Variants in CARD10 observed in about 807,000 individuals in gnomAD.
CARD10 encodes caspase recruitment domain-containing protein 10.
A neutral mutation model predicts 114.6 loss-of-function variants in CARD10; 49 were observed. The observed-to-expected ratio is 0.43, with a 90% CI of 0.34 to 0.54. CARD10 has a LOEUF of 0.54. Ranked by LOEUF, CARD10 falls within the 20% of genes least tolerant of loss-of-function variation. CARD10 has a pLI of 0.03. For synonymous variants in CARD10, 602 were observed against 593.2 expected, an observed-to-expected ratio of 1.01 and a Z score of -0.21; for missense variants, 1,206 against 1,397.2, an observed-to-expected ratio of 0.86 and a Z score of 2.18.
rs144504964 is a variant in CARD10, at chr22:37,504,765, C to T, written c.1388G>A (p.Cys463Tyr). ...RAQGGTCLKA[C>Y]ASSHSLCSNL... The stretch of plus-strand genomic sequence containing the variant: ...GGAGCACAGGGAATGGGAGGAGGCA[C>T]AGGCCTGGAAGAGGGAGAGGAGAGG... Residue 463 changes from cysteine to tyrosine, a missense_variant, in exon 8 of 20, where the codon TGT becomes TAT. Physicochemically the swap from Cys to Tyr is radical, Grantham distance 194 (BLOSUM62 -2). Around this residue, in one of 2 missense-constraint regions of CARD10, gnomAD observed 1,068 missense variants for 1,179.1 expected, o/e 0.91. Coordinates refer to ENST00000251973, the MANE Select transcript of CARD10 (RefSeq NM_014550.4). 6.5e-6 allele frequency: 10 copies of T among 1,538,364 alleles called. No individual in the cohort carries two copies. The African/African-American group carries it at 1.1e-4, about 17-fold the overall frequency.
chr22:37,497,512 C>A (rs1485554695), intron 11 of CARD10, among the ~76,000 whole-genome samples: 2 of 152,150 alleles, frequency 1.3e-5, no homozygotes, highest in South Asian at 4.1e-4. Context: ...CTATACTGTT[C>A]CGCTCTGTAG....
chr22:37,496,026 G>A lies in CARD10; in HGVS notation c.2060-23C>T. The A allele has an allele frequency of 1.9e-6, 3 of 1,610,682 alleles. No individual in the cohort carries two copies. The highest frequency in any genetic ancestry group is 1.3e-5 in the African/African-American group (1 of 75,006). ...AGGCTGGGCATGGATGGGGCAGGGG[G>A]CAGCAAGGAGGACAAGAGGAGGATG... On this transcript the variant is annotated intron_variant, in intron 13 of 19. Coordinates refer to ENST00000251973, the MANE Select transcript of CARD10 (RefSeq NM_014550.4). The surrounding 1 kb of genome is among the most constrained non-coding windows in gnomAD (Gnocchi z 4.1).
chr22:37,504,716 C>G lies in CARD10; in HGVS notation c.1437G>C (p.Leu479=). 6.3e-7 allele frequency: 1 copy of G among 1,584,906 alleles called. No individual in the cohort carries two copies. Among genetic ancestry groups the G allele is most frequent in the South Asian group, 1.2e-5 (1 of 86,358 alleles). The change falls in exon 8 of 20, where the codon CTG becomes CTC. Residue 479 remains leucine (L), a synonymous_variant. Coordinates refer to ENST00000251973, the MANE Select transcript of CARD10 (RefSeq NM_014550.4). ...LCSNLSSTWS[L]SEFPSPLGGP... ...CTCCCAGAGGGGAGGGGAACTCGCTCAGGCTCCAAGTGCTGCTGAGGTTGG... is the reference window on the plus strand; with the variant it reads ...CTCCCAGAGGGGAGGGGAACTCGCTGAGGCTCCAAGTGCTGCTGAGGTTGG...
intron 1 of CARD10, among the ~76,000 whole-genome samples, 179 bp from the exon 2 acceptor site, chr22:37,518,287 G>T (rs1284947996): frequency 6.6e-6 from 1 of 152,088 alleles, no homozygotes; most frequent in Non-Finnish European, 1.5e-5. Flanking sequence ...CCACAGCCAG[G>T]GGAGCACATT....
Position 37,496,468 on chromosome 22 carries a change from G to T in CARD10, c.2040C>A (p.Pro680=). Reference sequence around the variant, plus strand: ...ACTTACCCTTCGAGTCCATCAGGGAGGGGAGTGTGGACCCCTGATTCCAGA... The same window carrying T: ...ACTTACCCTTCGAGTCCATCAGGGATGGGAGTGTGGACCCCTGATTCCAGA... The part of the protein sequence containing the change: ...TLLWNQGSTL[P]SLMDSKACQS... The change falls in exon 13 of 20, where the codon CCC becomes CCA. Residue 680 remains proline (P), a synonymous_variant. Coordinates refer to ENST00000251973, the MANE Select transcript of CARD10 (RefSeq NM_014550.4). The surrounding 1 kb of genome is among the most constrained non-coding windows in gnomAD (Gnocchi z 4.1). 1 of 1,612,722 alleles carries T rather than the reference G, an allele frequency of 6.2e-7. No homozygotes were observed. The highest frequency in any genetic ancestry group is 1.1e-5 in the South Asian group (1 of 91,024).
chr22:37,494,406 T>C (rs1473131421), intron 15 of CARD10: 1 of 577,220 alleles, frequency 1.7e-6, no homozygotes, highest in Non-Finnish European at 3.1e-6. Flanking sequence ...CAGCCATCCC[T>C]GTGGCCCCCG....
At chr22:37,494,234 C>A in intron 15 of CARD10, 46 bp from the exon 16 acceptor site, 2 of 1,352,772 alleles carry the variant, frequency 1.5e-6, no homozygotes, top group Non-Finnish European at 2.1e-6. Context: ...CTCAGCCCCG[C>A]CCCCTCAGGG....
Position 37,519,142 on chromosome 22 carries a change from G to C in CARD10, c.59C>G (p.Ser20Cys). 1 of 1,551,398 alleles carries C rather than the reference G, an allele frequency of 6.4e-7. No homozygotes were observed. The highest frequency in any genetic ancestry group is 8.7e-7 in the Non-Finnish European group (1 of 1,155,436). The change falls in exon 1 of 20, where the codon TCT becomes TGT. Residue 20 changes from serine to cysteine, a missense_variant. Physicochemically the swap from Ser to Cys is moderately radical, Grantham distance 112 (BLOSUM62 -1). Coordinates refer to ENST00000251973, the MANE Select transcript of CARD10 (RefSeq NM_014550.4). The surrounding 1 kb of genome is among the most constrained non-coding windows in gnomAD (Gnocchi z 4.1). ...AEEEAGAGSGSEAEEDALWER... is the reference protein window; with the variant it reads ...AEEEAGAGSGCEAEEDALWER... ...CCACAGCGCGTCCTCCTCCGCCTCA[G>C]ACCCCGAGCCGGCCCCGGCCTCCTC... is the stretch of plus-strand genomic sequence containing the variant.
rs1464912828 is a variant in CARD10, at chr22:37,496,698, C to T, written c.1948-138G>A. ...GCGCCCCCTCAGAAACTGCCATGCCCAGCCCAGTCAGACCCGTCCCCATCC... is the reference window on the plus strand; with the variant it reads ...GCGCCCCCTCAGAAACTGCCATGCCTAGCCCAGTCAGACCCGTCCCCATCC... On this transcript the variant is annotated intron_variant, in intron 12 of 19. Coordinates refer to ENST00000251973, the MANE Select transcript of CARD10 (RefSeq NM_014550.4). This position sits in a 1 kb window ranked among gnomAD's most constrained non-coding sequence, Gnocchi z 4.1. 9.8e-6 allele frequency: 7 copies of T among 712,736 alleles called. No homozygotes were observed. Among genetic ancestry groups the T allele is most frequent in the Non-Finnish European group, 1.7e-5 (7 of 415,198 alleles). 44.2% of individuals were successfully genotyped at this position (712,736 alleles called of 1,614,324 possible). A position where few individuals can be genotyped will look rare whatever the true frequency, so the allele number is the denominator to read the frequency against.
At chr22:37,491,560 A>G (rs1601806256) in intron 19 of CARD10, among the ~76,000 whole-genome samples, 167 bp from the exon 20 acceptor site, 1 of 5,334 alleles carries the variant, frequency 1.9e-4, no homozygotes. Context: ...AAGGGGAGGG[A>G]GAGACGGGGG....
Position 37,518,007 on chromosome 22 carries a change from C to A in CARD10, c.337G>T (p.Gly113Cys), listed in dbSNP as rs1416522612. Reference protein sequence around the residue: ...YYPEHFTLLTGQEPAQRCSMI... With the variant: ...YYPEHFTLLTCQEPAQRCSMI... Reference sequence around the variant, plus strand: ...GAGCAGCGCTGGGCGGGTTCCTGGCCCGTGAGCAGCGTGAAGTGTTCGGGG... The same window carrying A: ...GAGCAGCGCTGGGCGGGTTCCTGGCACGTGAGCAGCGTGAAGTGTTCGGGG... Residue 113 changes from glycine to cysteine, a missense_variant, in exon 2 of 20, where the codon GGC becomes TGC. This residue lies in a region of CARD10 where 138 missense variants were observed against 218.0 expected (regional missense o/e 0.63). Transcript: ENST00000251973. The A allele has an allele frequency of 6.2e-7, 1 of 1,613,914 alleles. No homozygotes were observed.
chr22:37,501,378 G>C lies in CARD10; in HGVS notation c.1787+1224C>G, dbSNP rs552862336. On this transcript the variant is annotated intron_variant, in intron 11 of 19. Transcript: ENST00000251973. This position sits in a 1 kb window ranked among gnomAD's most constrained non-coding sequence, Gnocchi z 5.4. ...AAACTGGAGGAAGGGAGGAAGGGCC[G>C]AGGCGAGCAGGAAGGGAGGCGCCTC... Among the ~76,000 whole-genome samples the C allele has an allele frequency of 6.6e-6, 1 of 152,184 alleles. No individual in the cohort carries two copies. The highest frequency in any genetic ancestry group is 2.4e-5 in the African/African-American group (1 of 41,444).
In CARD10 at chr22:37,501,584, CT is replaced by C. The variant is rs886893247; in HGVS notation, c.1787+1017del. ...TGACCCATCCCTCTGCACCCAACAC[CT>C]CCACATTCCAGCGCTGACAGTCCAT... On this transcript the variant is annotated intron_variant, in intron 11 of 19. Transcript: ENST00000251973. The surrounding 1 kb of genome is among the most constrained non-coding windows in gnomAD (Gnocchi z 5.4). Among the ~76,000 whole-genome samples, 1 of 152,218 alleles carries C rather than the reference CT, an allele frequency of 6.6e-6. No homozygotes were observed. Among genetic ancestry groups the C allele is most frequent in the African/African-American group, 2.4e-5 (1 of 41,464 alleles).
chr22:37,498,057 A>G (rs183491462), intron 11 of CARD10, among the ~76,000 whole-genome samples: 1 of 152,144 alleles, frequency 6.6e-6, no homozygotes, highest in African/African-American at 2.4e-5. Context: ...GGCTGAAGGA[A>G]TATATCAGAG....
In CARD10 at chr22:37,516,245, G is replaced by C; in HGVS notation, c.427C>G (p.Leu143Val). Residue 143 changes from leucine (L) to valine (V), a missense_variant, in exon 3 of 20, where the codon CTG (leucine) becomes GTG (valine). Physicochemically the swap from Leu to Val is conservative, Grantham distance 32. Transcript: ENST00000251973. ...AGCTGGCTCTTGCGAGCTTCCCGCA[G>C]CCGTCGCACCTCTGTCATCAAGAAT... Reference protein sequence around the residue: ...TQFLMTEVRRLREARKSQLQR... With the variant: ...TQFLMTEVRRVREARKSQLQR... The C allele has an allele frequency of 6.2e-7, 1 of 1,606,022 alleles. No individual in the cohort carries two copies. The highest frequency in any genetic ancestry group is 8.5e-7 in the Non-Finnish European group (1 of 1,177,444).
At chr22:37,509,837 A>G (rs1379683336) in intron 4 of CARD10, among the ~76,000 whole-genome samples, 1 of 44,976 alleles carries the variant, frequency 2.2e-5, no homozygotes, top group Non-Finnish European at 4.3e-5. Context: ...CTGTGCCCAC[A>G]AGCCCCAGCC....
intron 11 of CARD10, among the ~76,000 whole-genome samples, chr22:37,497,391 G>C (rs1018699489): frequency 1.3e-5 from 2 of 152,120 alleles, no homozygotes; most frequent in Non-Finnish European, 2.9e-5. Context: ...CTCTCCCCTG[G>C]ACCTGGGCAC....
At chr22:37,511,137 C>T (rs984170449) in intron 3 of CARD10, among the ~76,000 whole-genome samples, 8 of 147,362 alleles carry the variant, frequency 5.4e-5, no homozygotes, top group African/African-American at 2.0e-4. Context: ...TTTAGAAGGC[C>T]GAGGCGGGCA....
rs1461852216 is a variant in CARD10, at chr22:37,509,718, G to A, written c.909+494C>T. On this transcript the variant is annotated intron_variant, in intron 4 of 19. Transcript: ENST00000251973. ...ACCCCCCCTCAACCCCCATGGCCAC[G>A]AGGCCCAGCCCTGGTACCTGCTGCA... Among the ~76,000 whole-genome samples the A allele has an allele frequency of 2.5e-4, 31 of 123,964 alleles. 3 individuals are homozygous for A. Among genetic ancestry groups the A allele is most frequent in the Non-Finnish European group, 4.3e-4 (25 of 58,784 alleles). The allele number at this position is 123,964 out of a possible 152,430, so 81.3% of individuals were successfully genotyped here. A position where few individuals can be genotyped will look rare whatever the true frequency, so the allele number is the denominator to read the frequency against.
Sources: gnomAD v4.1 joint callset for allele counts (sites outside exome capture counted in the v4.1 genomes callset) on GRCh38, gnomAD v4.1.1 for gene constraint, gnomAD v4.1.1 regional missense constraint, Gnocchi (gnomAD v3.1) non-coding constraint, MANE v1.5 for transcripts, NCBI Gene and HGNC (gene_info 2026-07-23, HGNC 2026-07-21) for gene names.